The following DEAF1 variants were observed in gnomAD, a reference collection of about 807,000 sequenced individuals.
The protein encoded by DEAF1 is deformed epidermal autoregulatory factor 1 homolog.
A neutral mutation model predicts 58.9 loss-of-function variants in DEAF1; 53 were observed. That is an observed-to-expected ratio of 0.90 (90% CI 0.72 to 1.13). The LOEUF is 1.13. Among genes scored for constraint, DEAF1 ranks in the 50% most tolerant of loss-of-function variants. The pLI, the probability that DEAF1 is intolerant of heterozygous loss-of-function variation, is 0.00. For synonymous variants in DEAF1, 385 were observed against 340.4 expected (o/e 1.13, Z -1.44); for missense variants, 685 against 791.4 (o/e 0.87, Z 1.61).
At chr11:701,246 C>A in intron 1 of DEAF1, 1 of 162,368 alleles carries the variant, frequency 6.2e-6, no homozygotes, top group South Asian at 1.7e-4. Context: ...GTGGTGCAGT[C>A]ACAGCTCACT....
chr11:683,824 C>T (rs932020677), intron 6 of DEAF1, among the ~76,000 whole-genome samples: 1 of 152,136 alleles, frequency 6.6e-6, no homozygotes, highest in African/African-American at 2.4e-5. Flanking sequence ...GTATCTTCCA[C>T]GTACAAACCC....
At chr11:667,693 C>T (rs988707971) in intron 10 of DEAF1, among the ~76,000 whole-genome samples, 1 of 152,090 alleles carries the variant, frequency 6.6e-6, no homozygotes, top group African/African-American at 2.4e-5. Context: ...CCTGTAATTC[C>T]AGCTACTCAG....
intron 2 of DEAF1, among the ~76,000 whole-genome samples, chr11:689,406 T>C (rs764340950): frequency 9.3e-5 from 14 of 151,224 alleles, no homozygotes; most frequent in Non-Finnish European, 1.8e-4. Flanking sequence ...AGAGATGGGG[T>C]TTCACCGTGT....
At chr11:663,816 C>G (rs972916444) in intron 10 of DEAF1, among the ~76,000 whole-genome samples, 1 of 152,236 alleles carries the variant, frequency 6.6e-6, no homozygotes, top group Admixed American at 6.5e-5. Context: ...AAGGTCCGGT[C>G]TGCTGGACTC....
chr11:674,678 A>G lies in DEAF1; in HGVS notation c.1361T>C (p.Leu454Pro), dbSNP rs1472945454. ...GGAGTTGACCATCTCTTCTAGGTAC[A>G]GCCAGCTCCGCGGCTCTGACAGCTC... ...GLELSEPRSW[L>P]YLEEMVNSLL... Residue 454 changes from leucine (L) to proline (P), a missense_variant, in exon 10 of 12, where the codon CTG becomes CCG. Coordinates refer to ENST00000382409, the MANE Select transcript of DEAF1 (RefSeq NM_021008.4). 6.2e-7 allele frequency: 1 copy of G among 1,613,928 alleles called. No homozygotes were observed. Among genetic ancestry groups the G allele is most frequent in the Non-Finnish European group, 8.5e-7 (1 of 1,180,036 alleles).
Position 679,668 on chromosome 11 carries a change from C to A in DEAF1, c.1126+20G>T, listed in dbSNP as rs779355565. 3 of 1,609,778 alleles carry A rather than the reference C, an allele frequency of 1.9e-6. No individual in the cohort carries two copies. The highest frequency in any genetic ancestry group is 1.7e-6 in the Non-Finnish European group (2 of 1,180,006). On this transcript the variant is annotated intron_variant, in intron 8 of 11. Transcript: ENST00000382409. ...AGGGATATGCTGAGGACGCGTCAGG[C>A]AGGCACTGGAGCAGCTCACCTGTGG... is the stretch of plus-strand genomic sequence containing the variant.
At chr11:705,805 G>GC (rs1861687590) in intron 1 of DEAF1, among the ~76,000 whole-genome samples, 1 of 152,204 alleles carries the variant, frequency 6.6e-6, no homozygotes, top group Non-Finnish European at 1.5e-5. Context: ...CGCCAGCGCT[G>GC]CCCCCGAAGT....
At chr11:700,025 A>G (rs144761121), upstream of DEAF1, 1,570 of 769,864 alleles carry the variant, frequency 2.0e-3, 2 homozygotes, top group Non-Finnish European at 2.9e-3. Flanking sequence ...CCAAGACTCC[A>G]TGGTCCCTTG....
chr11:688,908 TGAA>T lies in DEAF1; in HGVS notation c.388-451_388-449del, dbSNP rs1860707356. Among the ~76,000 whole-genome samples the T allele has an allele frequency of 6.6e-6, 1 of 152,188 alleles. No individual in the cohort carries two copies. Among genetic ancestry groups the T allele is most frequent in the Non-Finnish European group, 1.5e-5 (1 of 68,034 alleles). On this transcript the variant is annotated intron_variant, in intron 2 of 11. Coordinates refer to ENST00000382409, the MANE Select transcript of DEAF1 (RefSeq NM_021008.4). The surrounding 1 kb of genome is among the most constrained non-coding windows in gnomAD (Gnocchi z 4.3). The stretch of plus-strand genomic sequence containing the variant: ...CTCAAAACCACATTTCCACACTGGC[TGAA>T]GCTGCTGCAACTGCTGCCTGCTTCC...
At position 653,935 on chromosome 11, in the gene DEAF1, ACTGAGCCT is replaced by A; in HGVS notation, c.1593+19_1593+26del. On this transcript the variant is annotated intron_variant, in intron 11 of 11. Transcript: ENST00000382409. ...TCGTAGCGAGGGAGGAGGCGGGGGC[ACTGAGCCT>A]GGTGTAGGTGAGACCTACCTTGCGT... The A allele has an allele frequency of 6.2e-7, 1 of 1,608,870 alleles. No homozygotes were observed. The highest frequency in any genetic ancestry group is 8.5e-7 in the Non-Finnish European group (1 of 1,175,574).
chr11:655,477 A>C (rs993442473), intron 10 of DEAF1, among the ~76,000 whole-genome samples: 1 of 152,352 alleles, frequency 6.6e-6, no homozygotes, highest in Middle Eastern at 3.4e-3. Context: ...GGAGAAGACC[A>C]CTGGGCCTAG....
In DEAF1 at chr11:658,798, C is replaced by A. The variant is rs374677182; in HGVS notation, c.1504-4747G>T. ...GGGGTTTCCTGGCCTGCCTTCCCTG[C>A]TGCAGGGGCCCCCCATCTGCACATC... On this transcript the variant is annotated intron_variant, in intron 10 of 11. Transcript: ENST00000382409. Among the ~76,000 whole-genome samples the A allele has an allele frequency of 3.1e-4, 47 of 152,376 alleles. 1 individual carries two copies. The East Asian group carries it at 6.4e-3, about 21-fold the overall frequency.
At chr11:676,613 G>A (rs957670145) in intron 9 of DEAF1, among the ~76,000 whole-genome samples, 8 of 151,778 alleles carry the variant, frequency 5.3e-5, no homozygotes, top group Non-Finnish European at 1.0e-4. Flanking sequence ...CAAGTGATTC[G>A]CCTGCCTCAG....
intron 6 of DEAF1, among the ~76,000 whole-genome samples, chr11:683,456 G>A (rs1238720652): frequency 2.6e-5 from 4 of 152,154 alleles, no homozygotes; most frequent in Non-Finnish European, 5.9e-5. Flanking sequence ...GACCCAGATC[G>A]TGGGGTCTCT....
upstream of DEAF1, chr11:698,761 G>A (rs904031256): frequency 1.6e-5 from 21 of 1,316,042 alleles, no homozygotes; most frequent in South Asian, 3.5e-5. Flanking sequence ...CTACAAATAC[G>A]AGATCAAAGG....
chr11:647,600 C>T (rs890438143), intron 11 of DEAF1, among the ~76,000 whole-genome samples: 7 of 152,086 alleles, frequency 4.6e-5, no homozygotes, highest in African/African-American at 9.7e-5. Flanking sequence ...AATAATGATG[C>T]GTGGGGCTTG....
chr11:648,921 A>G (rs1021150800), intron 11 of DEAF1, among the ~76,000 whole-genome samples: 3 of 152,240 alleles, frequency 2.0e-5, no homozygotes, highest in African/African-American at 7.2e-5. Flanking sequence ...AACTGCAAAT[A>G]TAAACACAAA....
intron 1 of DEAF1, chr11:700,778 G>C: frequency 4.3e-6 from 6 of 1,392,622 alleles, no homozygotes; most frequent in Non-Finnish European, 6.1e-6. Context: ...CCTTTCAAGA[G>C]TAATTATTTT....
At chr11:700,728 G>A (rs373357246) in intron 1 of DEAF1, 75 of 1,584,124 alleles carry the variant, frequency 4.7e-5, no homozygotes, top group Non-Finnish European at 6.0e-5. Flanking sequence ...TGTTAACACC[G>A]TGAAGAACCT....
Sources: gnomAD v4.1 joint callset for allele counts (sites outside exome capture counted in the v4.1 genomes callset) on GRCh38, gnomAD v4.1.1 for gene constraint, Gnocchi (gnomAD v3.1) non-coding constraint, MANE v1.5 for transcripts, NCBI Gene and HGNC (gene_info 2026-07-23, HGNC 2026-07-21) for gene names.